GREB1L: variants seen among roughly 807,000 people sequenced by gnomAD.
GREB1L encodes the protein GREB1-like protein.
GREB1L carries 17 observed loss-of-function variants against 200.8 expected under a neutral mutation model. The ratio of observed to expected loss-of-function variants is 0.08; its 90% CI spans 0.06 to 0.13. GREB1L has a LOEUF of 0.13. GREB1L is among the 10% of genes least tolerant of loss of function. The probability of loss-of-function intolerance (pLI) is 1.00; values close to 1 mark genes in which losing one functional copy is unlikely to be tolerated. For synonymous variants in GREB1L, 789 were observed against 893.0 expected (o/e 0.88, Z 2.08); for missense variants, 1,657 against 2,367.7 (o/e 0.70, Z 6.23).
At chr18:21,484,431 C>T (rs558143686) in intron 17 of GREB1L, among the ~76,000 whole-genome samples, 5 of 152,224 alleles carry the variant, frequency 3.3e-5, no homozygotes, top group African/African-American at 4.8e-5. Flanking sequence ...TGAGCCACTG[C>T]GCCCAGCCTT....
chr18:21,458,089 CT>C (rs980308722), intron 15 of GREB1L, among the ~76,000 whole-genome samples: 4 of 151,828 alleles, frequency 2.6e-5, no homozygotes, highest in African/African-American at 9.7e-5. Context: ...CTGCCTCAAC[CT>C]CCAGAGTAGC....
intron 1 of GREB1L, among the ~76,000 whole-genome samples, chr18:21,290,334 G>C (rs577821747): frequency 6.6e-6 from 1 of 152,230 alleles, no homozygotes; most frequent in East Asian, 1.9e-4. Flanking sequence ...GCTGTATTTT[G>C]TATTAAATGG....
intron 17 of GREB1L, 25 bp from the exon 18 acceptor site, chr18:21,485,595 G>C: frequency 6.5e-7 from 1 of 1,548,538 alleles, no homozygotes. Flanking sequence ...TCCTCATTGG[G>C]TTTTTGCTCT....
chr18:21,254,642 G>A (rs551959536), intron 1 of GREB1L, among the ~76,000 whole-genome samples: 2 of 152,256 alleles, frequency 1.3e-5, no homozygotes, highest in Admixed American at 6.5e-5. Flanking sequence ...TTCTCAGGGT[G>A]GCAGGAAGGG....
chr18:21,315,291 A>G (rs1164864269), intron 1 of GREB1L, among the ~76,000 whole-genome samples: 1 of 152,004 alleles, frequency 6.6e-6, no homozygotes, highest in South Asian at 2.1e-4. Flanking sequence ...GGGTTTCACT[A>G]TGTTGCGCAG....
chr18:21,462,670 G>A (rs1292734434), intron 15 of GREB1L, among the ~76,000 whole-genome samples: 5 of 152,068 alleles, frequency 3.3e-5, no homozygotes, highest in African/African-American at 9.7e-5. Flanking sequence ...GGCTGGTCTC[G>A]AACCACTGAC....
At chr18:21,391,137 A>AC in intron 4 of GREB1L, among the ~76,000 whole-genome samples, 1 of 152,320 alleles carries the variant, frequency 6.6e-6, no homozygotes, top group East Asian at 1.9e-4. Context: ...ACATTCACTC[A>AC]TTACTCACTC....
intron 7 of GREB1L, among the ~76,000 whole-genome samples, chr18:21,419,927 G>A (rs986785494): frequency 2.6e-5 from 4 of 152,180 alleles, no homozygotes; most frequent in African/African-American, 7.2e-5. Flanking sequence ...CAAAAACTAT[G>A]CAACTTGTAG....
intron 7 of GREB1L, among the ~76,000 whole-genome samples, chr18:21,405,419 A>C (rs2030071482): frequency 6.6e-6 from 1 of 152,224 alleles, no homozygotes; most frequent in South Asian, 2.1e-4. Context: ...TACAACAAAA[A>C]CGTATCAAGT....
intron 7 of GREB1L, among the ~76,000 whole-genome samples, chr18:21,415,471 C>G (rs534693050): frequency 6.6e-6 from 1 of 152,158 alleles, no homozygotes; most frequent in African/African-American, 2.4e-5. Flanking sequence ...CACTGTGCTC[C>G]AGCCTGGGCA....
intron 2 of GREB1L, among the ~76,000 whole-genome samples, chr18:21,374,617 C>T (rs2039999520): frequency 1.3e-5 from 2 of 152,284 alleles, no homozygotes; most frequent in East Asian, 3.9e-4. Context: ...AATCACACAA[C>T]CCCAAATTAG....
chr18:21,406,621 C>T (rs2030269635), intron 7 of GREB1L, among the ~76,000 whole-genome samples: 1 of 152,164 alleles, frequency 6.6e-6, no homozygotes, highest in Non-Finnish European at 1.5e-5. Context: ...GCAGCACTTC[C>T]TTAACTGATG....
intron 1 of GREB1L, among the ~76,000 whole-genome samples, chr18:21,275,752 T>G (rs2038152496): frequency 6.6e-6 from 1 of 152,232 alleles, no homozygotes; most frequent in Non-Finnish European, 1.5e-5. Flanking sequence ...GGGCAGAAGT[T>G]GACAAACTCA....
intron 1 of GREB1L, among the ~76,000 whole-genome samples, chr18:21,292,704 G>T (rs553833740): frequency 1.3e-5 from 2 of 152,286 alleles, no homozygotes; most frequent in East Asian, 3.9e-4. Context: ...TTTCAAGGCT[G>T]AATTGAGAAA....
At position 21,453,388 on chromosome 18, in the gene GREB1L, G is replaced by C. The variant is rs141648457; in HGVS notation, c.1985-978G>C. Among the ~76,000 whole-genome samples the C allele has an allele frequency of 5.3e-5, 8 of 152,206 alleles. No homozygotes were observed. In the South Asian group the frequency reaches 8.3e-4, roughly 16 times the overall value. On this transcript the variant is annotated intron_variant, in intron 14 of 32. Coordinates refer to ENST00000424526, the MANE Select transcript of GREB1L (RefSeq NM_001142966.3). ...ATATGTTGACGGCTGTCTTTGCCTC[G>C]GCTGCATTTGATTTTAGAAAACATT...
chr18:21,381,356 C>T (rs1307492764), intron 2 of GREB1L, among the ~76,000 whole-genome samples: 1 of 150,910 alleles, frequency 6.6e-6, no homozygotes, highest in East Asian at 1.9e-4. Context: ...TGCAGTGAGC[C>T]GAGATTGCGC....
intron 15 of GREB1L, among the ~76,000 whole-genome samples, chr18:21,460,120 A>G (rs1004619041): frequency 1.4e-4 from 21 of 152,150 alleles, no homozygotes; most frequent in Non-Finnish European, 2.5e-4. Flanking sequence ...CAACCTTTCC[A>G]GTTGATGCCG....
intron 1 of GREB1L, among the ~76,000 whole-genome samples, chr18:21,329,973 G>C (rs989166884): frequency 1.3e-4 from 19 of 150,066 alleles, no homozygotes; most frequent in Admixed American, 7.9e-4. Context: ...TTTTTTTGGG[G>C]GGGGGGGGTC....
intron 1 of GREB1L, among the ~76,000 whole-genome samples, chr18:21,311,970 C>T (rs1437704184): frequency 6.6e-6 from 1 of 152,108 alleles, no homozygotes; most frequent in Non-Finnish European, 1.5e-5. Flanking sequence ...TTCCTGATCC[C>T]ATCCCCCTCC....
Sources: gnomAD v4.1 joint callset for allele counts (sites outside exome capture counted in the v4.1 genomes callset) on GRCh38, gnomAD v4.1.1 for gene constraint, MANE v1.5 for transcripts, NCBI Gene and HGNC (gene_info 2026-07-23, HGNC 2026-07-21) for gene names.